METTL25: variants seen among roughly 807,000 people sequenced by gnomAD.
The protein encoded by METTL25 is probable methyltransferase-like protein 25.
A neutral mutation model predicts 71.6 loss-of-function variants in METTL25; 64 were observed. The ratio of observed to expected loss-of-function variants is 0.89; its 90% CI spans 0.73 to 1.10. The LOEUF is 1.10. Ranked by LOEUF, METTL25 falls within the 50% of genes least tolerant of loss-of-function variation. METTL25 has a pLI of 0.00. For synonymous variants in METTL25, 287 were observed against 250.3 expected (o/e 1.15, Z -1.38); for missense variants, 807 against 707.0 (o/e 1.14, Z -1.60).
intron 7 of METTL25, among the ~76,000 whole-genome samples, chr12:82,437,375 G>A (rs1221603770): frequency 6.6e-6 from 1 of 151,616 alleles, no homozygotes; most frequent in Non-Finnish European, 1.5e-5. Flanking sequence ...CTTTACAGTG[G>A]TAGAACCTGT....
intron 9 of METTL25, among the ~76,000 whole-genome samples, chr12:82,467,276 T>A (rs1468007761): frequency 1.3e-5 from 2 of 152,158 alleles, no homozygotes; most frequent in Non-Finnish European, 2.9e-5. Flanking sequence ...TTTTTTTGTC[T>A]TGCTTACCTC....
At chr12:82,370,557 T>C (rs918210283) in intron 1 of METTL25, among the ~76,000 whole-genome samples, 3 of 152,142 alleles carry the variant, frequency 2.0e-5, no homozygotes, top group African/African-American at 7.2e-5. Context: ...AGTGAGGAGG[T>C]CTAGTCCTTG....
chr12:82,358,849 G>A lies in METTL25; in HGVS notation c.259+25G>A. On this transcript the variant is annotated intron_variant, in intron 1 of 11. Coordinates refer to ENST00000248306, the MANE Select transcript of METTL25 (RefSeq NM_032230.3). The stretch of plus-strand genomic sequence containing the variant: ...GGTGGGTGGTGGGGTAGGCGGGGCG[G>A]GAAGGGAGGCGGAGGAGAAGGTCCC... 4 of 1,579,956 alleles carry A rather than the reference G, an allele frequency of 2.5e-6. No homozygotes were observed. In the South Asian group the frequency reaches 4.5e-5, roughly 18 times the overall value.
At chr12:82,386,368 C>T (rs1290424886) in intron 1 of METTL25, among the ~76,000 whole-genome samples, 1 of 152,092 alleles carries the variant, frequency 6.6e-6, no homozygotes, top group African/African-American at 2.4e-5. Flanking sequence ...CCAGCCAGGA[C>T]AGTTCGTAAA....
intron 9 of METTL25, among the ~76,000 whole-genome samples, chr12:82,459,457 A>T (rs1341787552): frequency 1.3e-5 from 2 of 152,098 alleles, no homozygotes; most frequent in Non-Finnish European, 2.9e-5. Flanking sequence ...GTAAGATTCC[A>T]TCTCAGCAAA....
intron 6 of METTL25, among the ~76,000 whole-genome samples, chr12:82,434,315 G>A (rs1018096404): frequency 6.6e-6 from 1 of 151,182 alleles, no homozygotes; most frequent in African/African-American, 2.4e-5. Flanking sequence ...ATATATCTAT[G>A]TCTGTATATG....
At chr12:82,402,539 A>G (rs887668946) in intron 4 of METTL25, among the ~76,000 whole-genome samples, 1 of 152,150 alleles carries the variant, frequency 6.6e-6, no homozygotes, top group Non-Finnish European at 1.5e-5. Flanking sequence ...AAAAGTTGTA[A>G]AAAGAGATCA....
chr12:82,413,574 A>G (rs1427379528), intron 5 of METTL25, among the ~76,000 whole-genome samples: 1 of 152,038 alleles, frequency 6.6e-6, no homozygotes, highest in Admixed American at 6.6e-5. Context: ...TCTCTGCAGT[A>G]TTGTGACCTG....
chr12:82,433,219 A>G (rs993620969), intron 6 of METTL25, among the ~76,000 whole-genome samples: 3 of 151,658 alleles, frequency 2.0e-5, no homozygotes, highest in Admixed American at 1.3e-4. Context: ...TGATATTTTT[A>G]TGGACACCAA....
intron 1 of METTL25, among the ~76,000 whole-genome samples, chr12:82,365,809 G>A (rs112009530): frequency 2.8e-5 from 4 of 143,928 alleles, no homozygotes; most frequent in South Asian, 4.2e-4. Context: ...TCGGCCGGGC[G>A]CGGTGGCTCA....
At chr12:82,364,626 C>T (rs1382756636) in intron 1 of METTL25, among the ~76,000 whole-genome samples, 1 of 152,060 alleles carries the variant, frequency 6.6e-6, no homozygotes, top group East Asian at 1.9e-4. Flanking sequence ...GATAATATTA[C>T]CTACCTTCTA....
intron 9 of METTL25, among the ~76,000 whole-genome samples, chr12:82,462,954 A>G (rs953861245): frequency 1.3e-5 from 2 of 152,120 alleles, no homozygotes; most frequent in Non-Finnish European, 2.9e-5. Context: ...AAATGGACAC[A>G]TAATAATTGT....
At chr12:82,422,730 C>T (rs1168681384) in intron 5 of METTL25, among the ~76,000 whole-genome samples, 1 of 152,138 alleles carries the variant, frequency 6.6e-6, no homozygotes, top group East Asian at 1.9e-4. Flanking sequence ...GCAAAAATCA[C>T]AAGCATTCTT....
chr12:82,462,263 A>C (rs939838093), intron 9 of METTL25, among the ~76,000 whole-genome samples: 1 of 152,188 alleles, frequency 6.6e-6, no homozygotes, highest in Non-Finnish European at 1.5e-5. Flanking sequence ...TGTCTATGAT[A>C]CAAGACCATG....
At chr12:82,475,802 G>A (rs1156361724) in intron 9 of METTL25, among the ~76,000 whole-genome samples, 2 of 151,888 alleles carry the variant, frequency 1.3e-5, no homozygotes, top group Admixed American at 1.3e-4. Context: ...GAAATGCTTG[G>A]GACAGAAGTG....
At chr12:82,366,455 T>G (rs964249995) in intron 1 of METTL25, among the ~76,000 whole-genome samples, 2 of 152,334 alleles carry the variant, frequency 1.3e-5, no homozygotes, top group East Asian at 3.9e-4. Flanking sequence ...GCTGAGTAAA[T>G]GTTTATAGAA....
intron 1 of METTL25, among the ~76,000 whole-genome samples, chr12:82,373,272 A>G (rs538819408): frequency 2.0e-5 from 3 of 152,272 alleles, no homozygotes; most frequent in East Asian, 1.9e-4. Context: ...TCACTTGAAT[A>G]GGAAGGATAT....
At chr12:82,461,646 T>G (rs1277508899) in intron 9 of METTL25, among the ~76,000 whole-genome samples, 1 of 152,120 alleles carries the variant, frequency 6.6e-6, no homozygotes, top group East Asian at 1.9e-4. Flanking sequence ...AAATTCATGC[T>G]TGTCAACAGA....
At chr12:82,359,905 CTGT>C (rs1446845439) in intron 1 of METTL25, among the ~76,000 whole-genome samples, 9 of 152,198 alleles carry the variant, frequency 5.9e-5, no homozygotes, top group South Asian at 2.1e-4. Flanking sequence ...TTGGTAAATA[CTGT>C]TGTTGTTTTT....
Sources: gnomAD v4.1 joint callset for allele counts (sites outside exome capture counted in the v4.1 genomes callset) on GRCh38, gnomAD v4.1.1 for gene constraint, MANE v1.5 for transcripts, NCBI Gene and HGNC (gene_info 2026-07-23, HGNC 2026-07-21) for gene names.